PCDH15: variants seen among roughly 807,000 people sequenced by gnomAD.
The protein encoded by PCDH15 is protocadherin related 15.
PCDH15 carries 129 observed loss-of-function variants against 178.5 expected under a neutral mutation model. The observed-to-expected ratio is 0.72, with a 90% confidence interval of 0.63 to 0.84. PCDH15 has a LOEUF of 0.84. Among genes scored for constraint, PCDH15 ranks in the 40% least tolerant of loss-of-function variants. The probability of loss-of-function intolerance (pLI) is 0.00; values close to 1 mark genes in which losing one functional copy is unlikely to be tolerated. For missense variants in PCDH15, 2,230 were observed against 2,099.9 expected (o/e 1.06, Z -1.21); for synonymous variants, 800 against 732.0 (o/e 1.09, Z -1.50).
intron 2 of PCDH15, among the ~76,000 whole-genome samples, chr10:55,408,323 C>A (rs1838251949): frequency 6.6e-6 from 1 of 151,740 alleles, no homozygotes; most frequent in South Asian, 2.1e-4. Context: ...GTAGCTGAGA[C>A]TACAGGCACC....
upstream of PCDH15, among the ~76,000 whole-genome samples, chr10:55,323,876 T>A (rs1207443422): frequency 6.6e-6 from 1 of 152,168 alleles, no homozygotes; most frequent in African/African-American, 2.4e-5. Context: ...TGGGGTAGAA[T>A]GATAGGTTTG....
chr10:54,023,168 A>T lies in PCDH15; in HGVS notation c.2250T>A (p.Gly750=), dbSNP rs1452282788. 4.3e-6 allele frequency: 7 copies of T among 1,613,618 alleles called. No homozygotes were observed. Among genetic ancestry groups the T allele is most frequent in the Non-Finnish European group, 5.9e-6 (7 of 1,179,870 alleles). ...AGTTACCCAAACTGTAGTGCACTTG[A>T]CCATTTATTCCAGCATCAGGGTCTG... is the stretch of plus-strand genomic sequence containing the variant. ...KATDPDAGIN[G]QVHYSLGNFN... Residue 750 remains glycine (G), a synonymous_variant, in exon 19 of 38, where the codon GGT becomes GGA. Transcript: ENST00000644397.
At chr10:55,421,253 A>G (rs995899067) in intron 2 of PCDH15, among the ~76,000 whole-genome samples, 1 of 151,484 alleles carries the variant, frequency 6.6e-6, no homozygotes, top group Non-Finnish European at 1.5e-5. Context: ...ATAAGACCAT[A>G]AGATTTACAT....
At chr10:54,798,815 T>C (rs1318999450) in intron 1 of PCDH15, among the ~76,000 whole-genome samples, 1 of 152,062 alleles carries the variant, frequency 6.6e-6, no homozygotes, top group Non-Finnish European at 1.5e-5. Context: ...ATGGGGGGCT[T>C]CTGTGTTAGG....
chr10:54,392,680 C>T (rs1487487877), intron 3 of PCDH15, among the ~76,000 whole-genome samples: 3 of 151,600 alleles, frequency 2.0e-5, no homozygotes, highest in African/African-American at 7.3e-5. Context: ...GGGAGGATCA[C>T]TTAAGGTCAG....
intron 2 of PCDH15, among the ~76,000 whole-genome samples, chr10:54,634,635 G>A (rs928328878): frequency 6.6e-6 from 1 of 152,086 alleles, no homozygotes; most frequent in East Asian, 1.9e-4. Context: ...AAAAGGAAAA[G>A]AGACTGAGAA....
intron 18 of PCDH15, among the ~76,000 whole-genome samples, chr10:54,026,094 G>T (rs1230297273): frequency 1.4e-5 from 2 of 146,026 alleles, no homozygotes; most frequent in East Asian, 2.0e-4. Flanking sequence ...TTTTGAAACA[G>T]GTCTTGCTCT....
At chr10:53,828,207 C>CAAAAAAAAAAAAAAAAAAAA (rs71004480) in intron 31 of PCDH15, among the ~76,000 whole-genome samples, 13 of 53,774 alleles carry the variant, frequency 2.4e-4, no homozygotes, top group African/African-American at 9.4e-4. Context: ...AAGTCCGTCT[C>CAAAAAAAAAAAAAAAAAAAA]AAAAAAAAAA....
chr10:54,556,124 G>T (rs1021368940), intron 2 of PCDH15, among the ~76,000 whole-genome samples: 12 of 152,108 alleles, frequency 7.9e-5, no homozygotes, highest in African/African-American at 2.7e-4. Context: ...AAAATATTTA[G>T]CCCTGTTTTC....
intron 2 of PCDH15, among the ~76,000 whole-genome samples, chr10:54,901,958 A>T (rs146229088): frequency 0.01 from 1,515 of 149,156 alleles, 27 homozygotes; most frequent in African/African-American, 0.034. Flanking sequence ...ATATATATTT[A>T]TTAAGCAAAT....
intron 2 of PCDH15, among the ~76,000 whole-genome samples, chr10:55,014,221 A>G (rs1564716316): frequency 6.6e-6 from 1 of 152,122 alleles, no homozygotes; most frequent in Admixed American, 6.5e-5. Context: ...ATAATTACAA[A>G]GTGGAACTTT....
chr10:53,919,264 C>T (rs1334394525), intron 25 of PCDH15, among the ~76,000 whole-genome samples: 2 of 152,116 alleles, frequency 1.3e-5, no homozygotes, highest in Admixed American at 1.3e-4. Flanking sequence ...CTACAAGAGG[C>T]ATATTATTGT....
chr10:54,435,977 T>C (rs908595643), intron 3 of PCDH15, among the ~76,000 whole-genome samples: 6 of 98,316 alleles, frequency 6.1e-5, no homozygotes, highest in African/African-American at 2.4e-4. Context: ...CTTAAAAAAA[T>C]GAAAGAAAGA....
intron 18 of PCDH15, among the ~76,000 whole-genome samples, chr10:54,034,493 GACA>G (rs1438144326): frequency 4.6e-5 from 7 of 151,912 alleles, no homozygotes; most frequent in African/African-American, 7.2e-5. Context: ...TCATTTTGCT[GACA>G]ACAATTCACT....
At chr10:53,944,863 C>T (rs2086391674) in intron 23 of PCDH15, among the ~76,000 whole-genome samples, 1 of 152,194 alleles carries the variant, frequency 6.6e-6, no homozygotes, top group Admixed American at 6.5e-5. Context: ...AGGGCTTCCT[C>T]AAAGGCCCTT....
intron 2 of PCDH15, among the ~76,000 whole-genome samples, chr10:54,622,241 G>A (rs906068292): frequency 7.3e-5 from 11 of 151,594 alleles, no homozygotes; most frequent in South Asian, 2.1e-4. Context: ...TGTATCTACC[G>A]GAGGAAATTT....
At chr10:54,342,200 T>G (rs1402802083) in intron 6 of PCDH15, among the ~76,000 whole-genome samples, 1 of 152,140 alleles carries the variant, frequency 6.6e-6, no homozygotes, top group African/African-American at 2.4e-5. Flanking sequence ...TTTAGGGATC[T>G]TCATGGCAGC....
intron 3 of PCDH15, among the ~76,000 whole-genome samples, chr10:54,493,576 T>G (rs1437171445): frequency 6.6e-6 from 1 of 152,038 alleles, no homozygotes; most frequent in African/African-American, 2.4e-5. Flanking sequence ...GATGACAATC[T>G]TAAACTTCAC....
intron 2 of PCDH15, among the ~76,000 whole-genome samples, chr10:55,402,406 T>C (rs1301711359): frequency 6.6e-6 from 1 of 152,148 alleles, no homozygotes; most frequent in East Asian, 1.9e-4. Flanking sequence ...TTTTGAAACA[T>C]ACAATATGTT....
Sources: gnomAD v4.1 joint callset for allele counts (sites outside exome capture counted in the v4.1 genomes callset) on GRCh38, gnomAD v4.1.1 for gene constraint, MANE v1.5 for transcripts, NCBI Gene and HGNC (gene_info 2026-07-23, HGNC 2026-07-21) for gene names.